CSE1L: variants seen among roughly 807,000 people sequenced by gnomAD.
The protein encoded by CSE1L is exportin-2.
CSE1L carries 24 observed loss-of-function variants against 120.4 expected under a neutral mutation model. The ratio of observed to expected loss-of-function variants is 0.20; its 90% CI spans 0.14 to 0.28. The LOEUF (loss-of-function observed/expected upper bound fraction) is 0.28. Ranked by LOEUF, CSE1L falls within the 10% of genes least tolerant of loss-of-function variation. The pLI is 1.00. For missense variants in CSE1L, 830 were observed against 1,145.2 expected, an observed-to-expected ratio of 0.72 and a Z score of 3.97; for synonymous variants, 402 against 398.3, an observed-to-expected ratio of 1.01 and a Z score of -0.11.
chr20:49,064,789 A>T (rs927456463), intron 3 of CSE1L, among the ~76,000 whole-genome samples: 1 of 150,796 alleles, frequency 6.6e-6, no homozygotes, highest in African/African-American at 2.4e-5. Context: ...GATTTGTAAA[A>T]CTAGTGAGAC....
chr20:49,055,853 G>A (rs2091802497), intron 1 of CSE1L, among the ~76,000 whole-genome samples: 3 of 150,992 alleles, frequency 2.0e-5, no homozygotes, highest in Admixed American at 6.6e-5. Context: ...TCTACATTTT[G>A]GAGTGTGTTT....
At chr20:49,054,086 G>T (rs1368076771) in intron 1 of CSE1L, among the ~76,000 whole-genome samples, 2 of 152,134 alleles carry the variant, frequency 1.3e-5, no homozygotes, top group Non-Finnish European at 2.9e-5. Context: ...AACCATAAAG[G>T]GTATAGCCTC....
At position 49,088,013 on chromosome 20, in the gene CSE1L, C is replaced by A; in HGVS notation, c.1728C>A (p.Ile576=). Residue 576 remains isoleucine (I), a synonymous_variant, in exon 17 of 25, where the codon ATC becomes ATA. Transcript: ENST00000262982. ...TGCTGTTTTTGTATTTTACAGCTAT[C>A]ATGAGAAGTTTTTCTCTCCTACAAG... ...SSENEYIMKA[I]MRSFSLLQEA... 1 of 1,593,330 alleles carries A rather than the reference C, an allele frequency of 6.3e-7. No individual in the cohort carries two copies. Among genetic ancestry groups the A allele is most frequent in the Non-Finnish European group, 8.6e-7 (1 of 1,166,416 alleles).
At chr20:49,075,610 C>A in intron 12 of CSE1L, 90 bp downstream of exon 12, 1 of 977,928 alleles carries the variant, frequency 1.0e-6, no homozygotes, top group Non-Finnish European at 1.6e-6. Flanking sequence ...GATAATAGAG[C>A]TTACTCTGCC....
intron 2 of CSE1L, among the ~76,000 whole-genome samples, chr20:49,062,893 GAAGCCACTT>G (rs2091862879): frequency 6.6e-6 from 1 of 151,788 alleles, no homozygotes; most frequent in Admixed American, 6.6e-5. Flanking sequence ...ATGAAGTCTT[GAAGCCACTT>G]AATCTGCCTG....
At chr20:49,081,410 G>A (rs1389363528) in intron 14 of CSE1L, among the ~76,000 whole-genome samples, 2 of 152,040 alleles carry the variant, frequency 1.3e-5, no homozygotes, top group South Asian at 2.1e-4. Flanking sequence ...TCAGCCTCCC[G>A]AGTAGCTGGA....
At chr20:49,053,950 C>T (rs2091787916) in intron 1 of CSE1L, among the ~76,000 whole-genome samples, 1 of 152,170 alleles carries the variant, frequency 6.6e-6, no homozygotes, top group African/African-American at 2.4e-5. Context: ...CAGCCTCCCA[C>T]CAGTGGAGAC....
chr20:49,095,888 T>C (rs1484806532), intron 24 of CSE1L, among the ~76,000 whole-genome samples: 1 of 152,116 alleles, frequency 6.6e-6, no homozygotes, highest in Non-Finnish European at 1.5e-5. Context: ...GTGTGGCGTG[T>C]GTATATATAT....
chr20:49,055,690 A>T (rs2091801073), intron 1 of CSE1L, among the ~76,000 whole-genome samples: 1 of 152,104 alleles, frequency 6.6e-6, no homozygotes. Context: ...CTGCAGTCCA[A>T]CCTGGGCCAC....
chr20:49,062,358 A>G (rs1342899253), intron 2 of CSE1L, among the ~76,000 whole-genome samples: 7 of 152,222 alleles, frequency 4.6e-5, no homozygotes, highest in Non-Finnish European at 1.0e-4. Context: ...TAATTTTTCA[A>G]AAAATATTGG....
intron 16 of CSE1L, 22 bp downstream of exon 16, chr20:49,085,408 C>A: frequency 1.3e-6 from 2 of 1,546,220 alleles, no homozygotes; most frequent in Non-Finnish European, 1.8e-6. Flanking sequence ...CCCTGGTGTG[C>A]AGACTACAGG....
intron 12 of CSE1L, among the ~76,000 whole-genome samples, chr20:49,076,655 G>A (rs1010373058): frequency 1.4e-5 from 2 of 147,632 alleles, no homozygotes; most frequent in African/African-American, 2.5e-5. Context: ...TCAGCCTCCC[G>A]AGTAGCTAGA....
intron 12 of CSE1L, among the ~76,000 whole-genome samples, chr20:49,076,558 C>T (rs139267564): frequency 0.013 from 1,077 of 82,870 alleles, 5 homozygotes; most frequent in Middle Eastern, 0.042. Flanking sequence ...GAGACGTTGT[C>T]TTGCTCTGTC....
chr20:49,049,066 G>A (rs541345893), intron 1 of CSE1L, among the ~76,000 whole-genome samples: 1 of 152,308 alleles, frequency 6.6e-6, no homozygotes, highest in South Asian at 2.1e-4. Context: ...TCAACAAGAA[G>A]AACTTGGAAA....
Position 49,068,835 on chromosome 20 carries a change from G to T in CSE1L, c.675+13G>T. 2 of 1,531,868 alleles carry T rather than the reference G, an allele frequency of 1.3e-6. No homozygotes were observed. The highest frequency in any genetic ancestry group is 2.2e-5 in the South Asian group (2 of 89,564). 94.9% of individuals were successfully genotyped at this position (1,531,868 alleles called of 1,614,324 possible). On this transcript the variant is annotated intron_variant, in intron 7 of 24. Transcript: ENST00000262982. ...TTTAAACTTTCAGGTAAGTTCATTT[G>T]ATTTCTTGCTTTTGGTTCTTACTCT... is the stretch of plus-strand genomic sequence containing the variant.
chr20:49,058,599 G>A, intron 2 of CSE1L, 51 bp downstream of exon 2: 1 of 1,402,410 alleles, frequency 7.1e-7, no homozygotes, highest in Non-Finnish European at 1.0e-6. Flanking sequence ...GGACAGGTGA[G>A]AGAAACCTAT....
chr20:49,090,747 G>A lies in CSE1L; in HGVS notation c.2187G>A (p.Gly729=). 1 of 1,613,372 alleles carries A rather than the reference G, an allele frequency of 6.2e-7. No individual in the cohort carries two copies. The highest frequency in any genetic ancestry group is 8.5e-7 in the Non-Finnish European group (1 of 1,179,626). The change falls in exon 20 of 25, where the codon GGG becomes GGA. Residue 729 remains glycine (G), a synonymous_variant. Transcript: ENST00000262982. ...TGGATCTCATTTCTTAACAGCCTGG[G>A]TTACTAGGTGTCTTTCAGAAGCTGA... ...IASAAADKIP[G]LLGVFQKLIA... is the part of the protein sequence containing the mutation.
At chr20:49,089,453 A>T in intron 18 of CSE1L, 56 bp downstream of exon 18, 1 of 1,604,992 alleles carries the variant, frequency 6.2e-7, no homozygotes, top group Non-Finnish European at 8.5e-7. Flanking sequence ...ATGGCTATAA[A>T]ATGCAGCCCA....
At position 49,063,246 on chromosome 20, in the gene CSE1L, C is replaced by T. The variant is rs1360432877; in HGVS notation, c.130C>T (p.Leu44=). The T allele has an allele frequency of 1.3e-6, 2 of 1,596,692 alleles. No individual in the cohort carries two copies. Among genetic ancestry groups the T allele is most frequent in the East Asian group, 2.3e-5 (1 of 44,208 alleles). The part of the protein sequence containing the change: ...ESVEGNQNYP[L]LLLTLLEKSQ... ...TGTTGAAGGAAATCAGAATTATCCA[C>T]TGTTGCTTTTGACATTACTGGAGAA... The change falls in exon 3 of 25, where the codon CTG becomes TTG. Residue 44 remains leucine (L), a synonymous_variant. Coordinates refer to ENST00000262982, the MANE Select transcript of CSE1L (RefSeq NM_001316.4).
Sources: allele counts gnomAD v4.1 joint callset (sites outside exome capture counted in the v4.1 genomes callset), GRCh38; gene constraint gnomAD v4.1.1; transcripts MANE v1.5; gene names NCBI Gene and HGNC (gene_info 2026-07-23, HGNC 2026-07-21).